Variants in EFNA5 observed in about 807,000 individuals in gnomAD.
EFNA5 encodes ephrin A5, also known as ephrin-A5.
Under a neutral mutation model 22.9 loss-of-function variants are expected in EFNA5, and 5 were observed. That is an observed-to-expected ratio of 0.22 (90% confidence interval 0.11 to 0.46). The LOEUF (loss-of-function observed/expected upper bound fraction) is 0.46, where lower values mean the gene tolerates loss of function less well. EFNA5 is among the 20% of genes least tolerant of loss of function. The pLI is 0.99. For synonymous variants in EFNA5, 113 were observed against 112.2 expected, an observed-to-expected ratio of 1.01 and a Z score of -0.04; for missense variants, 237 against 293.3, an observed-to-expected ratio of 0.81 and a Z score of 1.40.
chr5:107,569,008 C>A (rs1228365588), intron 1 of EFNA5, among the ~76,000 whole-genome samples: 1 of 152,070 alleles, frequency 6.6e-6, no homozygotes, highest in Non-Finnish European at 1.5e-5. Flanking sequence ...GTTCTGTTGA[C>A]CTTAGTGGCC....
chr5:107,632,831 A>C (rs1323409465), intron 1 of EFNA5, among the ~76,000 whole-genome samples: 2 of 152,208 alleles, frequency 1.3e-5, no homozygotes, highest in African/African-American at 4.8e-5. Flanking sequence ...ATATTCTTTG[A>C]AAATATTTTC....
intron 1 of EFNA5, among the ~76,000 whole-genome samples, chr5:107,433,181 C>T (rs187041920): frequency 7.9e-5 from 12 of 152,254 alleles, no homozygotes; most frequent in African/African-American, 2.4e-4. Flanking sequence ...CTTAACCTCC[C>T]ACATTGTTCA....
intron 1 of EFNA5, among the ~76,000 whole-genome samples, chr5:107,427,748 T>C (rs1164050364): frequency 6.6e-6 from 1 of 152,174 alleles, no homozygotes; most frequent in Non-Finnish European, 1.5e-5. Context: ...ACAAACTAAG[T>C]GCTTTGCTTT....
intron 1 of EFNA5, among the ~76,000 whole-genome samples, chr5:107,429,641 T>C (rs1328071596): frequency 6.6e-6 from 1 of 152,144 alleles, no homozygotes; most frequent in Non-Finnish European, 1.5e-5. Context: ...TGAGCCTCAG[T>C]TTCCTCATAT....
At chr5:107,468,597 C>T (rs1395082923) in intron 1 of EFNA5, among the ~76,000 whole-genome samples, 2 of 152,166 alleles carry the variant, frequency 1.3e-5, no homozygotes, top group Non-Finnish European at 2.9e-5. Context: ...GAATCACACC[C>T]TTAGAAATTA....
At chr5:107,581,141 C>T (rs1580541405) in intron 1 of EFNA5, among the ~76,000 whole-genome samples, 1 of 152,212 alleles carries the variant, frequency 6.6e-6, no homozygotes, top group Non-Finnish European at 1.5e-5. Context: ...TAATTCAGAT[C>T]TAGTTCCCTC....
Position 107,560,286 on chromosome 5 carries a change from A to G in EFNA5, c.125+110203T>C, listed in dbSNP as rs1047947619. Among the ~76,000 whole-genome samples, 13 of 152,364 alleles carry G rather than the reference A, an allele frequency of 8.5e-5. No homozygotes were observed. The East Asian group carries it at 2.5e-3, about 29-fold the overall frequency. On this transcript the variant is annotated intron_variant, in intron 1 of 4. Transcript: ENST00000333274. ...CTATGTTATTAAAAGCAACAGGCCA[A>G]TTAAGGCCTTTGAAATAATATAAGG...
chr5:107,655,412 G>T (rs1474654810), intron 1 of EFNA5, among the ~76,000 whole-genome samples: 1 of 152,120 alleles, frequency 6.6e-6, no homozygotes, highest in African/African-American at 2.4e-5. Context: ...ATATTAAAAT[G>T]CTGTACTTTT....
Position 107,408,701 on chromosome 5 carries a change from G to C in EFNA5, c.418+18516C>G, listed in dbSNP as rs1351157895. Among the ~76,000 whole-genome samples, 17 of 152,098 alleles carry C rather than the reference G, an allele frequency of 1.1e-4. 1 individual carries two copies. Among genetic ancestry groups the C allele is most frequent in the Admixed American group, 1.1e-3 (17 of 15,270 alleles). On this transcript the variant is annotated intron_variant, in intron 2 of 4. Transcript: ENST00000333274. Reference sequence around the variant, plus strand: ...TATTGGCACAGATCCCTTCATTCTAGAAAGCAAGACTTCTCCTGGTAAGGC... The same window carrying C: ...TATTGGCACAGATCCCTTCATTCTACAAAGCAAGACTTCTCCTGGTAAGGC...
At chr5:107,521,105 CATT>C (rs1430142162) in intron 1 of EFNA5, among the ~76,000 whole-genome samples, 1 of 152,120 alleles carries the variant, frequency 6.6e-6, no homozygotes, top group African/African-American at 2.4e-5. Context: ...TAAACGAACT[CATT>C]GTGAGTTGAA....
intron 1 of EFNA5, among the ~76,000 whole-genome samples, chr5:107,617,566 G>A (rs544889314): frequency 6.6e-6 from 1 of 152,270 alleles, no homozygotes; most frequent in South Asian, 2.1e-4. Context: ...AAGCGGGAAA[G>A]TAAGTAAAAT....
At chr5:107,458,524 G>C (rs1305013943) in intron 1 of EFNA5, among the ~76,000 whole-genome samples, 1 of 151,590 alleles carries the variant, frequency 6.6e-6, no homozygotes, top group Non-Finnish European at 1.5e-5. Flanking sequence ...GAAACCAAAA[G>C]GTACAAAGGT....
intron 1 of EFNA5, among the ~76,000 whole-genome samples, chr5:107,657,416 C>G (rs907400806): frequency 7.9e-5 from 12 of 151,982 alleles, no homozygotes; most frequent in Non-Finnish European, 1.8e-4. Flanking sequence ...GCTTGTCACC[C>G]CCAAATTCAC....
intron 1 of EFNA5, among the ~76,000 whole-genome samples, chr5:107,496,164 T>TAAAAAAAAAA (rs35565454): frequency 8.6e-5 from 8 of 93,174 alleles, no homozygotes; most frequent in Admixed American, 1.2e-4. Context: ...CTGTCTCTGC[T>TAAAAAAAAAA]AAAAAAAAAA....
chr5:107,388,938 C>T lies in EFNA5; in HGVS notation c.419-1167G>A, dbSNP rs374541189. ...TGCTTCTTTTGCAGGTGAGAGGATT[C>T]AATATACAAACTTCCAAACAAATTT... is the stretch of plus-strand genomic sequence containing the variant. On this transcript the variant is annotated intron_variant, in intron 2 of 4. Transcript: ENST00000333274. 3.3e-4 allele frequency among the ~76,000 whole-genome samples: 50 copies of T among 152,194 alleles called. No homozygotes were observed. The South Asian group carries it at 1.0e-2, about 30-fold the overall frequency.
rs114732794 is a variant in EFNA5 at position 107,624,775 on chromosome 5, A to G, written c.125+45714T>C. On this transcript the variant is annotated intron_variant, in intron 1 of 4. Transcript: ENST00000333274. Reference sequence around the variant, plus strand: ...TCTTATGCTAAGTAACAACATATATAATAGTCCCAAAAAAATTTGTGTCTA... The same window carrying G: ...TCTTATGCTAAGTAACAACATATATGATAGTCCCAAAAAAATTTGTGTCTA... 4.1e-3 allele frequency among the ~76,000 whole-genome samples: 620 copies of G among 152,202 alleles called. No individual in the cohort carries two copies. The Middle Eastern group carries it at 0.041, about 10-fold the overall frequency.
chr5:107,508,767 T>C (rs1342205838), intron 1 of EFNA5, among the ~76,000 whole-genome samples: 2 of 152,244 alleles, frequency 1.3e-5, no homozygotes, highest in Non-Finnish European at 2.9e-5. Context: ...CTTGTTTTTA[T>C]AATAATGAGA....
intron 1 of EFNA5, among the ~76,000 whole-genome samples, chr5:107,666,194 TCAGTGAAAAG>T (rs1251554951): frequency 6.6e-6 from 1 of 152,172 alleles, no homozygotes; most frequent in African/African-American, 2.4e-5. Flanking sequence ...CATTTACTTG[TCAGTGAAAAG>T]GTCACAGTGC....
chr5:107,552,471 G>C (rs1168532148), intron 1 of EFNA5, among the ~76,000 whole-genome samples: 7 of 152,136 alleles, frequency 4.6e-5, no homozygotes, highest in Non-Finnish European at 1.0e-4. Context: ...GTAACTCATG[G>C]GAGAGAAGAA....
Sources: gnomAD v4.1 joint callset for allele counts (sites outside exome capture counted in the v4.1 genomes callset) on GRCh38, gnomAD v4.1.1 for gene constraint, MANE v1.5 for transcripts, NCBI Gene and HGNC (gene_info 2026-07-23, HGNC 2026-07-21) for gene names.